The following EHD2 variants were observed in gnomAD, a reference collection of about 807,000 sequenced individuals.
EHD2 encodes EH domain-containing protein 2.
In EHD2, 27 loss-of-function variants were observed where a neutral mutation model predicts 41.0. The observed-to-expected ratio is 0.66, with a 90% CI of 0.49 to 0.91. The LOEUF is 0.91. Among genes scored for constraint, EHD2 ranks in the 40% least tolerant of loss-of-function variants. The pLI is 0.00. For synonymous variants in EHD2, 342 were observed against 341.0 expected (o/e 1.00, Z -0.03); for missense variants, 673 against 773.9 (o/e 0.87, Z 1.55).
intron 4 of EHD2, chr19:47,731,282 A>ATATATATATACATG (rs1973809151): frequency 1.6e-5 from 1 of 60,694 alleles, no homozygotes; most frequent in Admixed American, 1.9e-4. Flanking sequence ...AAAAAAAAAT[A>ATATATATATACATG]TATATATATA....
chr19:47,731,753 T>C (rs1046233907), intron 4 of EHD2, among the ~76,000 whole-genome samples: 1 of 151,548 alleles, frequency 6.6e-6, no homozygotes, highest in Non-Finnish European at 1.5e-5. Flanking sequence ...CCCCCATAAG[T>C]AGTTTCTTGT....
chr19:47,727,227 C>T (rs924022402), intron 4 of EHD2, among the ~76,000 whole-genome samples: 7 of 152,104 alleles, frequency 4.6e-5, no homozygotes, highest in African/African-American at 1.7e-4. Flanking sequence ...GCCTCAGCCT[C>T]CCGAGTAGCT....
chr19:47,737,687 C>T (rs1966939612), intron 5 of EHD2, among the ~76,000 whole-genome samples: 1 of 151,356 alleles, frequency 6.6e-6, no homozygotes, highest in African/African-American at 2.4e-5. Flanking sequence ...AAAATATATA[C>T]GTTTAAAAAT....
intron 5 of EHD2, 134 bp from the exon 6 acceptor site, chr19:47,740,747 C>T: frequency 1.0e-6 from 1 of 1,000,180 alleles, no homozygotes; most frequent in Non-Finnish European, 1.4e-6. Context: ...GACTCTGTCT[C>T]AAAACAAACA....
intron 1 of EHD2, among the ~76,000 whole-genome samples, chr19:47,715,154 A>C (rs534180906): frequency 1.3e-5 from 2 of 152,178 alleles, no homozygotes; most frequent in Non-Finnish European, 2.9e-5. Flanking sequence ...TAAGTGAGTT[A>C]GTACAGTACC....
chr19:47,731,279 A>AAAAAAAATATATATATATAT, intron 4 of EHD2: 1 of 60,928 alleles, frequency 1.6e-5, no homozygotes, highest in African/African-American at 4.9e-5. Context: ...AAAAAAAAAA[A>AAAAAAAATATATATATATAT]ATATATATAT....
In EHD2 at chr19:47,716,861, G is replaced by C. The variant is rs1973633423; in HGVS notation, c.249G>C (p.Val83=). 1 of 1,611,110 alleles carries C rather than the reference G, an allele frequency of 6.2e-7. No homozygotes were observed. Among genetic ancestry groups the C allele is most frequent in the South Asian group, 1.1e-5 (1 of 90,734 alleles). ...SFIQYLLEQE[V]PGSRVGPEPT... is the part of the protein sequence containing the mutation. ...TCCAGTACCTGCTGGAGCAGGAGGT[G>C]CCCGGCTCCCGCGTGGGGCCTGAGC... The change falls in exon 2 of 6, where the codon GTG becomes GTC. Residue 83 remains valine, a synonymous_variant. Coordinates refer to ENST00000263277, the MANE Select transcript of EHD2 (RefSeq NM_014601.4).
chr19:47,736,670 G>C (rs953239417), intron 5 of EHD2, 137 bp downstream of exon 5: 3 of 962,816 alleles, frequency 3.1e-6, no homozygotes, highest in Middle Eastern at 3.2e-4. Flanking sequence ...TAGTTCCGTG[G>C]GAGCATGGTT....
Position 47,725,867 on chromosome 19 carries a change from C to A in EHD2, c.558C>A (p.Ile186=), listed in dbSNP as rs781127268. ...TCGCGGAGCGCGTGGACCTCATCAT[C>A]CTGCTCTTTGATGCGCACAAGCTGG... The part of the protein sequence containing the change: ...RWFAERVDLI[I]LLFDAHKLEI... Residue 186 remains isoleucine, a synonymous_variant, in exon 4 of 6, where the codon ATC becomes ATA. Coordinates refer to ENST00000263277, the MANE Select transcript of EHD2 (RefSeq NM_014601.4). 9 of 1,612,492 alleles carry A rather than the reference C, an allele frequency of 5.6e-6. No individual in the cohort carries two copies. The highest frequency in any genetic ancestry group is 6.8e-6 in the Non-Finnish European group (8 of 1,178,816).
At chr19:47,731,280 A>AAAATATATATATATGTG (rs1491458646) in intron 4 of EHD2, 1 of 54,720 alleles carries the variant, frequency 1.8e-5, no homozygotes, top group Non-Finnish European at 3.7e-5. Flanking sequence ...AAAAAAAAAA[A>AAAATATATATATATGTG]TATATATATA....
rs1966994846 is a variant in EHD2, at chr19:47,741,930, A to C, written c.*498A>C. On this transcript the variant is annotated 3_prime_UTR_variant, in exon 6 of 6. Coordinates refer to ENST00000263277, the MANE Select transcript of EHD2 (RefSeq NM_014601.4). The surrounding 1 kb of genome is among the most constrained non-coding windows in gnomAD (Gnocchi z 4.5). ...GCCCTGTGGCTGAAATGACTAGCAG[A>C]TAAACAGACCCCCTTCTGCTCCGCT... The C allele has an allele frequency of 2.2e-6, 1 of 456,638 alleles. No homozygotes were observed. The highest frequency in any genetic ancestry group is 4.4e-6 in the Non-Finnish European group (1 of 227,354). The allele number at this position is 456,638 out of a possible 1,614,324, so 28.3% of individuals were successfully genotyped here.
chr19:47,727,636 T>C (rs1340170557), intron 4 of EHD2, among the ~76,000 whole-genome samples: 3 of 137,050 alleles, frequency 2.2e-5, no homozygotes, highest in Non-Finnish European at 4.8e-5. Context: ...CCAACACTTT[T>C]GGAGGATTGC....
intron 5 of EHD2, 93 bp downstream of exon 5, chr19:47,736,626 T>C (rs1460743635): frequency 7.2e-7 from 1 of 1,397,822 alleles, no homozygotes; most frequent in Admixed American, 2.7e-5. Context: ...GCCAGAGGGA[T>C]GGATGGCAGG....
At chr19:47,736,646 G>C in intron 5 of EHD2, 113 bp downstream of exon 5, 1 of 1,234,242 alleles carries the variant, frequency 8.1e-7, no homozygotes, top group South Asian at 1.7e-5. Context: ...GTTCTGGAAA[G>C]CGCCTCCCTC....
intron 4 of EHD2, among the ~76,000 whole-genome samples, chr19:47,735,276 G>T (rs1966909400): frequency 6.6e-6 from 1 of 152,122 alleles, no homozygotes; most frequent in East Asian, 1.9e-4. Context: ...GCTTAGGCTG[G>T]TATGCAGATT....
rs1172889255 is a variant in EHD2, at chr19:47,731,279, A to AATATAT, written c.916-5072_916-5067dup. The AATATAT allele has an allele frequency of 1.3e-3, 81 of 60,924 alleles. 5 individuals carry two copies. Among genetic ancestry groups the AATATAT allele is most frequent in the African/African-American group, 3.3e-3 (68 of 20,468 alleles). The allele number at this position is 60,924 out of a possible 1,614,324, so 3.8% of individuals were successfully genotyped here. A position where few individuals can be genotyped will look rare whatever the true frequency, so the allele number is the denominator to read the frequency against. ...ATTTGTGATTCTTTAAAAAAAAAAAAATATATATATATATATATATATACA... is the reference window on the plus strand; with the variant it reads ...ATTTGTGATTCTTTAAAAAAAAAAAAATATATATATATATATATATATATATATACA... On this transcript the variant is annotated intron_variant, in intron 4 of 5. Transcript: ENST00000263277.
At chr19:47,723,938 A>T (rs1331103611) in intron 3 of EHD2, among the ~76,000 whole-genome samples, 1 of 149,130 alleles carries the variant, frequency 6.7e-6, no homozygotes, top group Non-Finnish European at 1.5e-5. Flanking sequence ...TCCTGCCTCT[A>T]CCTCCCAAAG....
At chr19:47,724,832 C>T (rs1973732457) in intron 3 of EHD2, among the ~76,000 whole-genome samples, 1 of 151,658 alleles carries the variant, frequency 6.6e-6, no homozygotes, top group Non-Finnish European at 1.5e-5. Context: ...CAGAAATTAG[C>T]CAGGGTGGTG....
rs760084581 is a variant in EHD2 at position 47,716,671 on chromosome 19, C to T, written c.59C>T (p.Thr20Met). ...GGCCAGCAGCCCGAGGCCATCCGCA[C>T]GGTGACCTCGGCCCTCAAGGAGCTG... ...ARGQQPEAIR[T>M]VTSALKELYR... The change falls in exon 2 of 6, where the codon ACG (threonine) becomes ATG (methionine). Residue 20 changes from threonine (T) to methionine (M), a missense_variant. Thr to Met is a moderately conservative substitution (Grantham distance 81, BLOSUM62 -1). Transcript: ENST00000263277. The T allele has an allele frequency of 5.6e-6, 9 of 1,600,282 alleles. No homozygotes were observed. The highest frequency in any genetic ancestry group is 2.2e-5 in the East Asian group (1 of 44,630).
Sources: allele counts gnomAD v4.1 joint callset (sites outside exome capture counted in the v4.1 genomes callset), GRCh38; gene constraint gnomAD v4.1.1; non-coding constraint Gnocchi (gnomAD v3.1); transcripts MANE v1.5; gene names NCBI Gene and HGNC (gene_info 2026-07-23, HGNC 2026-07-21).